PDXDC1: variants seen among roughly 807,000 people sequenced by gnomAD.
PDXDC1 encodes the protein pyridoxal dependent decarboxylase domain containing 1, also known as pyridoxal-dependent decarboxylase domain-containing protein 1.
Under a neutral mutation model 100.1 loss-of-function variants are expected in PDXDC1, and 42 were observed. That is an observed-to-expected ratio of 0.42 (90% CI 0.33 to 0.54). The LOEUF (loss-of-function observed/expected upper bound fraction) is 0.54, where lower values mean the gene tolerates loss of function less well. PDXDC1 is among the 20% of genes least tolerant of loss of function. The probability of loss-of-function intolerance (pLI) is 0.10; values close to 1 mark genes in which losing one functional copy is unlikely to be tolerated. For synonymous variants in PDXDC1, 260 were observed against 371.7 expected, an observed-to-expected ratio of 0.70 and a Z score of 3.46; for missense variants, 636 against 979.2, an observed-to-expected ratio of 0.65 and a Z score of 4.68.
intron 1 of PDXDC1, chr16:14,989,172 A>G (rs1970109837): frequency 2.5e-6 from 4 of 1,614,080 alleles, no homozygotes; most frequent in Admixed American, 1.7e-5. Flanking sequence ...GTCTTGAAGC[A>G]GCTCCGCCGC....
At chr16:14,981,989 C>T (rs1968101992) in intron 1 of PDXDC1, among the ~76,000 whole-genome samples, 1 of 152,258 alleles carries the variant, frequency 6.6e-6, no homozygotes. Flanking sequence ...CCACCGCGCC[C>T]AGCTAATTTT....
At chr16:15,126,206 T>C (rs934207574) in intron 16 of PDXDC1, among the ~76,000 whole-genome samples, 2 of 150,958 alleles carry the variant, frequency 1.3e-5, no homozygotes, top group African/African-American at 4.9e-5. Context: ...AGCTGATTTT[T>C]TGTATTTTTA....
intron 1 of PDXDC1, among the ~76,000 whole-genome samples, chr16:14,993,871 A>G (rs1255118695): frequency 1.3e-5 from 2 of 152,284 alleles, no homozygotes; most frequent in African/African-American, 4.8e-5. Context: ...TGTGGTTTTG[A>G]TTTGCATTTC....
intron 1 of PDXDC1, among the ~76,000 whole-genome samples, chr16:14,976,550 T>G (rs1281833660): frequency 2.6e-5 from 4 of 152,398 alleles, no homozygotes; most frequent in African/African-American, 9.6e-5. Flanking sequence ...GGGAATAAAG[T>G]CTTTCCGGTC....
chr16:15,134,135 C>CTGCA (rs1447189884), intron 16 of PDXDC1: 1 of 1,285,182 alleles, frequency 7.8e-7, no homozygotes, highest in Non-Finnish European at 1.1e-6. Flanking sequence ...CCACTTCTGC[C>CTGCA]TGCAGGCCCC....
rs546897352 is a variant in PDXDC1, at chr16:14,995,147, C to A, written c.22-2606C>A. On this transcript the variant is annotated intron_variant, in intron 1 of 22. Coordinates refer to ENST00000396410, the MANE Select transcript of PDXDC1 (RefSeq NM_015027.4). ...TACCCTTTATTTCCTTCTCCTGCCT[C>A]ATTGCCCTGGCCAGAACTTCCCACA... 2.6e-5 allele frequency among the ~76,000 whole-genome samples: 4 copies of A among 152,414 alleles called. No homozygotes were observed. The East Asian group carries it at 5.8e-4, about 22-fold the overall frequency.
At chr16:15,067,178 G>T (rs1291896660) in intron 16 of PDXDC1, among the ~76,000 whole-genome samples, 1 of 151,908 alleles carries the variant, frequency 6.6e-6, no homozygotes, top group Non-Finnish European at 1.5e-5. Context: ...GAGAACTAAA[G>T]AGGCTGACGG....
intron 17 of PDXDC1, 131 bp downstream of exon 17, chr16:15,032,037 C>T (rs2043097667): frequency 3.7e-6 from 3 of 816,404 alleles, no homozygotes; most frequent in Non-Finnish European, 5.8e-6. Flanking sequence ...AAATGCAACT[C>T]GGTTTTCTGG....
chr16:15,035,524 C>G lies in PDXDC1; in HGVS notation c.2078C>G (p.Ser693Trp). 1 of 1,611,756 alleles carries G rather than the reference C, an allele frequency of 6.2e-7. No homozygotes were observed. The highest frequency in any genetic ancestry group is 8.5e-7 in the Non-Finnish European group (1 of 1,178,926). Residue 693 changes from serine (S) to tryptophan (W), a missense_variant, in exon 22 of 23, where the codon TCG (serine) becomes TGG (tryptophan). By Grantham distance (177) the Ser-to-Trp change is radical (BLOSUM62 -3). Transcript: ENST00000396410. ...GAGVTLPPTP[S>W]GSRTKQRLPG... Reference sequence around the variant, plus strand: ...GGAGTCACGCTGCCTCCAACGCCCTCGGGCAGTCGCACCAAGCAGAGGCTT... The same window carrying G: ...GGAGTCACGCTGCCTCCAACGCCCTGGGGCAGTCGCACCAAGCAGAGGCTT...
intron 16 of PDXDC1, among the ~76,000 whole-genome samples, chr16:15,088,528 A>G (rs970257571): frequency 6.6e-6 from 1 of 152,104 alleles, no homozygotes; most frequent in African/African-American, 2.4e-5. Context: ...TTGGTATGTC[A>G]AAATACCAAG....
intron 16 of PDXDC1, among the ~76,000 whole-genome samples, chr16:15,063,598 C>G (rs1272042266): frequency 1.3e-5 from 2 of 150,244 alleles, no homozygotes; most frequent in Non-Finnish European, 3.0e-5. Context: ...GTCCCAGCTA[C>G]TCGGGAGGCT....
At position 15,100,864 on chromosome 16, in the gene PDXDC1, T is replaced by C. The variant is rs574774106; in HGVS notation, c.1400-38015T>C. Among the ~76,000 whole-genome samples, 19 of 152,216 alleles carry C rather than the reference T, an allele frequency of 1.2e-4. 1 individual carries two copies. In the South Asian group the frequency reaches 3.7e-3, roughly 30 times the overall value. ...CAGCCATAGTGTTGGTGTGCACCTG[T>C]AGTCCCGGCTACTCAGGAGGCTGAG... On this transcript the variant is annotated intron_variant, in intron 16 of 16. Coordinates refer to the PDXDC1 transcript ENST00000535621.
At chr16:15,141,401 T>C (rs1275867798), downstream of PDXDC1, among the ~76,000 whole-genome samples, 28 of 152,214 alleles carry the variant, frequency 1.8e-4, no homozygotes, top group Admixed American at 1.8e-3. Context: ...AGCCCTCACC[T>C]GGGCTGGGCG....
intron 16 of PDXDC1, chr16:15,104,606 T>A: frequency 1.3e-6 from 2 of 1,599,150 alleles, no homozygotes; most frequent in Non-Finnish European, 1.7e-6. Context: ...ACTCCGCAGG[T>A]GTCTTGAGGC....
At chr16:15,003,749 G>A (rs1160485965) in intron 4 of PDXDC1, among the ~76,000 whole-genome samples, 9 of 152,214 alleles carry the variant, frequency 5.9e-5, no homozygotes, top group Admixed American at 3.3e-4. Flanking sequence ...TTGGGAGGCC[G>A]AGGCAGGTGA....
rs2043077996 is a variant in PDXDC1, at chr16:15,031,749, G to A, written c.1414G>A (p.Gly472Arg). 6.2e-7 allele frequency: 1 copy of A among 1,610,734 alleles called. No homozygotes were observed. The highest frequency in any genetic ancestry group is 1.1e-5 in the South Asian group (1 of 91,032). Residue 472 changes from glycine (G) to arginine (R), a missense_variant, in exon 17 of 23, where the codon GGA becomes AGA. This residue lies in a region of PDXDC1 where 452 missense variants were observed against 402.9 expected (regional missense o/e 1.12). Transcript: ENST00000396410. The stretch of plus-strand genomic sequence containing the variant: ...AACATCTTCAGTTTTAGGAACTCGG[G>A]GAGAGGATGTGGATCAGCTCGTAGC... ...LMTAAVLGTR[G>R]EDVDQLVACI...
At position 15,028,986 on chromosome 16, in the gene PDXDC1, C is replaced by A; in HGVS notation, c.1293+20C>A. The A allele has an allele frequency of 6.2e-7, 1 of 1,608,274 alleles. No individual in the cohort carries two copies. The highest frequency in any genetic ancestry group is 8.5e-7 in the Non-Finnish European group (1 of 1,178,428). ...CGCTGGGTGAGAATGGCAGTCACCC[C>A]CCTTTCCTTTCAGGTCCCCGTCCAT... On this transcript the variant is annotated intron_variant, in intron 15 of 22. Transcript: ENST00000396410.
chr16:15,042,111 CTG>C (rs1184831116), downstream of PDXDC1, among the ~76,000 whole-genome samples: 1 of 151,962 alleles, frequency 6.6e-6, no homozygotes, highest in East Asian at 1.9e-4. Context: ...AATCCTAACA[CTG>C]TTAATAATTA....
chr16:15,047,458 G>T, intron 16 of PDXDC1: 1 of 1,606,254 alleles, frequency 6.2e-7, no homozygotes. Flanking sequence ...CATTGAGCGT[G>T]GTCAGAAAAG....
Sources: gnomAD v4.1 joint callset for allele counts (sites outside exome capture counted in the v4.1 genomes callset) on GRCh38, gnomAD v4.1.1 for gene constraint, gnomAD v4.1.1 regional missense constraint, MANE v1.5 for transcripts, NCBI Gene and HGNC (gene_info 2026-07-23, HGNC 2026-07-21) for gene names.